Variants in STRN observed in about 807,000 individuals in gnomAD.
STRN encodes the protein protein phosphatase 2 regulatory subunit B'''alpha.
STRN carries 53 observed loss-of-function variants against 96.3 expected under a neutral mutation model. The ratio of observed to expected loss-of-function variants is 0.55; its 90% CI spans 0.44 to 0.69. STRN has a LOEUF of 0.69. STRN is among the 30% of genes least tolerant of loss of function. The pLI is 0.00. For synonymous variants in STRN, 428 were observed against 355.9 expected (o/e 1.20, Z -2.28); for missense variants, 987 against 963.9 (o/e 1.02, Z -0.32).
intron 1 of STRN, among the ~76,000 whole-genome samples, chr2:36,927,228 T>G (rs1670433825): frequency 6.6e-6 from 1 of 152,106 alleles, no homozygotes; most frequent in Non-Finnish European, 1.5e-5. Context: ...AATCAGAGGC[T>G]GGGCACAGTG....
At position 36,918,645 on chromosome 2, in the gene STRN, A is replaced by G. The variant is rs917347156; in HGVS notation, c.339-2494T>C. Among the ~76,000 whole-genome samples, 4 of 152,298 alleles carry G rather than the reference A, an allele frequency of 2.6e-5. No individual in the cohort carries two copies. The South Asian group carries it at 8.3e-4, about 32-fold the overall frequency. On this transcript the variant is annotated intron_variant, in intron 2 of 17. Coordinates refer to ENST00000263918, the MANE Select transcript of STRN (RefSeq NM_003162.4). ...TTTTAAAAAACAGACAAAGGCAAAA[A>G]TATGTAAAGAACTGTTGTTTTTATC...
At chr2:36,871,124 G>C (rs1458202530) in intron 10 of STRN, among the ~76,000 whole-genome samples, 3 of 152,090 alleles carry the variant, frequency 2.0e-5, no homozygotes, top group Non-Finnish European at 4.4e-5. Flanking sequence ...ATAAAGTAAA[G>C]ATTATAGTAA....
intron 9 of STRN, among the ~76,000 whole-genome samples, chr2:36,878,834 C>T (rs1416167237): frequency 6.6e-6 from 1 of 151,954 alleles, no homozygotes; most frequent in African/African-American, 2.4e-5. Flanking sequence ...CTCACTGCAA[C>T]CTCCACCTCC....
At chr2:36,904,501 C>T (rs1225582819) in intron 4 of STRN, among the ~76,000 whole-genome samples, 1 of 152,148 alleles carries the variant, frequency 6.6e-6, no homozygotes, top group Non-Finnish European at 1.5e-5. Flanking sequence ...ATTGTTTACT[C>T]TTTATTGTCT....
chr2:36,881,455 A>T (rs1669068043), intron 9 of STRN, among the ~76,000 whole-genome samples: 1 of 152,138 alleles, frequency 6.6e-6, no homozygotes, highest in South Asian at 2.1e-4. Context: ...TTATTAAAAT[A>T]AAAATAAAGT....
At chr2:36,966,097 G>T (rs1287046984) in intron 1 of STRN, 133 bp downstream of exon 1, 3 of 1,057,026 alleles carry the variant, frequency 2.8e-6, no homozygotes, top group African/African-American at 3.5e-5. Flanking sequence ...AGGGGACGGG[G>T]CTCCGGGTGG....
rs560085757 is a variant in STRN at position 36,961,253 on chromosome 2, A to C, written c.234+4977T>G. Among the ~76,000 whole-genome samples, 3 of 150,102 alleles carry C rather than the reference A, an allele frequency of 2.0e-5. No homozygotes were observed. The South Asian group carries it at 6.4e-4, about 32-fold the overall frequency. ...GCAATCCTCCCACCTCAGCCTCCCAAGTAGCTGGGACTAACCCGGCTAATT... is the reference window on the plus strand; with the variant it reads ...GCAATCCTCCCACCTCAGCCTCCCACGTAGCTGGGACTAACCCGGCTAATT... On this transcript the variant is annotated intron_variant, in intron 1 of 17. Coordinates refer to ENST00000263918, the MANE Select transcript of STRN (RefSeq NM_003162.4).
At chr2:36,886,012 C>G (rs1426371452) in intron 8 of STRN, among the ~76,000 whole-genome samples, 1 of 152,070 alleles carries the variant, frequency 6.6e-6, no homozygotes, top group Non-Finnish European at 1.5e-5. Flanking sequence ...ACATTCTTAA[C>G]TAGATCCATT....
Position 36,899,598 on chromosome 2 carries a change from T to A in STRN, c.720A>T (p.Ala240=). 6.2e-7 allele frequency: 1 copy of A among 1,613,714 alleles called. No homozygotes were observed. Among genetic ancestry groups the A allele is most frequent in the Non-Finnish European group, 8.5e-7 (1 of 1,179,896 alleles). ...CATCTTCATCACTGAAATCTGCAGCTGCACTTTCAAGGAATTTGAAATTAT... is the reference window on the plus strand; with the variant it reads ...CATCTTCATCACTGAAATCTGCAGCAGCACTTTCAAGGAATTTGAAATTAT... ...VLDNFKFLES[A]AADFSDEDED... The change falls in exon 6 of 18, where the codon GCA becomes GCT. Residue 240 remains alanine, a synonymous_variant. Coordinates refer to ENST00000263918, the MANE Select transcript of STRN (RefSeq NM_003162.4).
At chr2:36,917,518 T>C (rs1465128584) in intron 2 of STRN, among the ~76,000 whole-genome samples, 2 of 140,066 alleles carry the variant, frequency 1.4e-5, no homozygotes, top group Admixed American at 1.5e-4. Flanking sequence ...AGTGAGACCC[T>C]GTCTCAAAAA....
chr2:36,937,525 C>G (rs1670735506), intron 1 of STRN, among the ~76,000 whole-genome samples: 1 of 151,548 alleles, frequency 6.6e-6, no homozygotes, highest in African/African-American at 2.4e-5. Flanking sequence ...AATAACTTAG[C>G]GGAGCATGGT....
At chr2:36,888,824 G>T (rs185249586) in intron 7 of STRN, among the ~76,000 whole-genome samples, 1 of 152,084 alleles carries the variant, frequency 6.6e-6, no homozygotes, top group East Asian at 1.9e-4. Flanking sequence ...GGGACAACAG[G>T]TGTGTACCAC....
At chr2:36,885,326 T>C (rs1424246707) in intron 8 of STRN, among the ~76,000 whole-genome samples, 2 of 152,130 alleles carry the variant, frequency 1.3e-5, no homozygotes, top group Non-Finnish European at 2.9e-5. Context: ...AAGAAAAATA[T>C]CAACATTAAG....
intron 1 of STRN, among the ~76,000 whole-genome samples, chr2:36,941,069 A>AG (rs1259694005): frequency 6.6e-6 from 1 of 152,098 alleles, no homozygotes; most frequent in Non-Finnish European, 1.5e-5. Flanking sequence ...TGGGAGGATG[A>AG]CCTGAACCCA....
At position 36,838,998 on chromosome 2, in the gene STRN, A is replaced by G. The variant is rs1667884208; in HGVS notation, c.*10458T>C. ...TTGTAAGGTGCTCATGATACACATT[A>G]TATTAGAAAAAGCAAGTGCAGCATA... On this transcript the variant is annotated 3_prime_UTR_variant, in exon 18 of 18. Transcript: ENST00000263918. Among the ~76,000 whole-genome samples the G allele has an allele frequency of 6.6e-6, 1 of 152,216 alleles. No homozygotes were observed. The highest frequency in any genetic ancestry group is 6.5e-5 in the Admixed American group (1 of 15,278).
intron 3 of STRN, among the ~76,000 whole-genome samples, chr2:36,914,507 C>G (rs1389506825): frequency 1.3e-5 from 2 of 152,172 alleles, no homozygotes; most frequent in South Asian, 2.1e-4. Flanking sequence ...AACAGACACT[C>G]AAGTAAAAGA....
chr2:36,855,050 C>G (rs574791839), intron 15 of STRN, among the ~76,000 whole-genome samples, 162 bp downstream of exon 15: 1 of 152,090 alleles, frequency 6.6e-6, no homozygotes, highest in Non-Finnish European at 1.5e-5. Context: ...AACCCAAATT[C>G]TTAAAAGGTA....
chr2:36,946,352 A>C (rs930145927), intron 1 of STRN, among the ~76,000 whole-genome samples: 2 of 152,214 alleles, frequency 1.3e-5, no homozygotes, highest in Admixed American at 6.5e-5. Context: ...GAGCTTTCCC[A>C]TGTGTTGGAA....
At chr2:36,881,873 GA>G (rs1444982837) in intron 9 of STRN, among the ~76,000 whole-genome samples, 3 of 152,150 alleles carry the variant, frequency 2.0e-5, no homozygotes, top group Non-Finnish European at 4.4e-5. Context: ...ATCTAGACCT[GA>G]TTTTGGGATT....
Sources: allele counts gnomAD v4.1 joint callset (sites outside exome capture counted in the v4.1 genomes callset), GRCh38; gene constraint gnomAD v4.1.1; transcripts MANE v1.5; gene names NCBI Gene and HGNC (gene_info 2026-07-23, HGNC 2026-07-21).